Variants in PARVB observed in about 807,000 individuals in gnomAD.
PARVB encodes beta-parvin.
In PARVB, 46 loss-of-function variants were observed where a neutral mutation model predicts 47.0. The observed-to-expected ratio is 0.98, with a 90% CI of 0.77 to 1.25. The LOEUF (loss-of-function observed/expected upper bound fraction) is 1.25, where lower values mean the gene tolerates loss of function less well. PARVB is among the 50% of genes most tolerant of loss of function. PARVB has a pLI of 0.00. For synonymous variants in PARVB, 196 were observed against 196.3 expected, an observed-to-expected ratio of 1.00 and a Z score of 0.01; for missense variants, 473 against 471.6, an observed-to-expected ratio of 1.00 and a Z score of -0.03.
chr22:44,123,630 A>T (rs1251027274), intron 4 of PARVB, among the ~76,000 whole-genome samples: 1 of 151,490 alleles, frequency 6.6e-6, no homozygotes, highest in Non-Finnish European at 1.5e-5. Flanking sequence ...GCCCAGGCTG[A>T]TCTTGAACTC....
intron 1 of PARVB, among the ~76,000 whole-genome samples, chr22:44,033,442 G>A (rs568274210): frequency 6.6e-6 from 1 of 152,248 alleles, no homozygotes; most frequent in Admixed American, 6.5e-5. Flanking sequence ...GAAATGTGAG[G>A]GCAACTCACA....
intron 1 of PARVB, among the ~76,000 whole-genome samples, chr22:44,042,247 C>T (rs975062834): frequency 2.0e-5 from 3 of 152,132 alleles, no homozygotes. Context: ...CAAGTGAAAC[C>T]CTGTCTCTAC....
chr22:44,096,093 C>T (rs1457519093), intron 2 of PARVB, among the ~76,000 whole-genome samples: 2 of 152,176 alleles, frequency 1.3e-5, no homozygotes, highest in Admixed American at 6.5e-5. Flanking sequence ...AGTGTGGTGG[C>T]AAACACCTGA....
chr22:44,058,547 G>A (rs1268390334), intron 1 of PARVB, among the ~76,000 whole-genome samples: 3 of 141,024 alleles, frequency 2.1e-5, no homozygotes, highest in African/African-American at 7.9e-5. Context: ...AGGTGGACGT[G>A]GATTTTTTTT....
At chr22:44,087,390 C>T (rs1466872544) in intron 1 of PARVB, among the ~76,000 whole-genome samples, 2 of 152,228 alleles carry the variant, frequency 1.3e-5, no homozygotes, top group Non-Finnish European at 2.9e-5. Context: ...ACCTGTGGCT[C>T]AGCCTCCATT....
At chr22:44,062,366 G>A (rs1035844679) in intron 1 of PARVB, among the ~76,000 whole-genome samples, 3 of 152,154 alleles carry the variant, frequency 2.0e-5, no homozygotes, top group South Asian at 2.1e-4. Context: ...GGCCAGGCAC[G>A]GTGGCTCAAG....
intron 2 of PARVB, among the ~76,000 whole-genome samples, chr22:44,097,574 G>T (rs892711205): frequency 6.6e-6 from 1 of 152,200 alleles, no homozygotes; most frequent in African/African-American, 2.4e-5. Flanking sequence ...TCTGAATCAG[G>T]CCCCTGCCCC....
chr22:44,157,279 G>A (rs2053956146), intron 10 of PARVB, among the ~76,000 whole-genome samples: 1 of 152,166 alleles, frequency 6.6e-6, no homozygotes. Context: ...GCACTCACGT[G>A]TGCCAGGTGC....
chr22:44,101,278 G>A (rs1020737462), intron 3 of PARVB, among the ~76,000 whole-genome samples: 6 of 151,888 alleles, frequency 4.0e-5, no homozygotes, highest in South Asian at 2.1e-4. Context: ...GCGAGGTGGC[G>A]GGCACCTGTA....
chr22:44,062,195 G>A (rs2051432619), intron 1 of PARVB, among the ~76,000 whole-genome samples: 1 of 152,108 alleles, frequency 6.6e-6, no homozygotes, highest in Admixed American at 6.6e-5. Flanking sequence ...ACACCAGCTG[G>A]GTGTCCTGCA....
In PARVB at chr22:44,026,234, C is replaced by G. The variant is rs567672742; in HGVS notation, c.112+1783C>G. The G allele has an allele frequency of 3.7e-6, 3 of 813,096 alleles. No homozygotes were observed. In the East Asian group the frequency reaches 3.8e-4, roughly 102 times the overall value. 50.4% of individuals were successfully genotyped at this position (813,096 alleles called of 1,614,324 possible). A position where few individuals can be genotyped will look rare whatever the true frequency, so the allele number is the denominator to read the frequency against. ...CTTGCCTGTATGAATTGATGTGTGT[C>G]TAGAAAATTCAGGCCCAGCCTGGTT... On this transcript the variant is annotated intron_variant, in intron 1 of 12. Coordinates refer to ENST00000338758, the MANE Select transcript of PARVB (RefSeq NM_013327.5).
chr22:44,162,519 A>AC (rs34318305), intron 11 of PARVB, among the ~76,000 whole-genome samples: 65,700 of 151,906 alleles, frequency 0.43, 14,612 homozygotes, highest in South Asian at 0.52. Context: ...ATGGGGTTTC[A>AC]CCCATTGGTC....
At chr22:44,134,668 C>T (rs545340711) in intron 6 of PARVB, among the ~76,000 whole-genome samples, 10 of 152,176 alleles carry the variant, frequency 6.6e-5, no homozygotes, top group Non-Finnish European at 1.5e-4. Flanking sequence ...TCTCTGCAGC[C>T]CCCTGGCCTC....
At chr22:44,039,393 T>C (rs550139494) in intron 1 of PARVB, among the ~76,000 whole-genome samples, 105 of 151,910 alleles carry the variant, frequency 6.9e-4, no homozygotes, top group Non-Finnish European at 1.3e-3. Context: ...ATATAAAAAT[T>C]AGCTGGGCGT....
At chr22:44,063,384 G>C (rs2051456447) in intron 1 of PARVB, among the ~76,000 whole-genome samples, 1 of 151,976 alleles carries the variant, frequency 6.6e-6, no homozygotes, top group African/African-American at 2.4e-5. Context: ...GCACCATCAT[G>C]CTGGGCTAAT....
intron 8 of PARVB, chr22:44,142,842 G>A (rs2053585196): frequency 6.6e-6 from 1 of 152,294 alleles, no homozygotes; most frequent in African/African-American, 2.4e-5. Context: ...CAGGCAATTA[G>A]TTCCACCCCC....
chr22:44,164,717 A>G (rs1195293291), intron 12 of PARVB, among the ~76,000 whole-genome samples: 1 of 152,142 alleles, frequency 6.6e-6, no homozygotes, highest in Admixed American at 6.5e-5. Flanking sequence ...CCCCCTACCT[A>G]GCCCTGCTCC....
chr22:44,097,670 G>A (rs767671173), intron 2 of PARVB, among the ~76,000 whole-genome samples: 9 of 152,182 alleles, frequency 5.9e-5, no homozygotes, highest in East Asian at 1.9e-4. Flanking sequence ...AGATCCCGGC[G>A]GGATCTGCAG....
chr22:44,168,565 T>G (rs555010480), intron 12 of PARVB, 37 bp from the exon 13 acceptor site: 1 of 1,415,586 alleles, frequency 7.1e-7, no homozygotes, highest in African/African-American at 1.4e-5. Context: ...GACAGGAGGA[T>G]GGCACGCCTC....
Sources: allele counts gnomAD v4.1 joint callset (sites outside exome capture counted in the v4.1 genomes callset), GRCh38; gene constraint gnomAD v4.1.1; transcripts MANE v1.5; gene names NCBI Gene and HGNC (gene_info 2026-07-23, HGNC 2026-07-21).